PCSK5: variants seen among roughly 807,000 people sequenced by gnomAD.
The protein encoded by PCSK5 is proprotein convertase subtilisin/kexin type 5, also known as prohormone convertase 5.
A neutral mutation model predicts 233.2 loss-of-function variants in PCSK5; 129 were observed. The ratio of observed to expected loss-of-function variants is 0.55; its 90% CI spans 0.48 to 0.64. The LOEUF is 0.64. PCSK5 is among the 30% of genes least tolerant of loss of function. The pLI is 0.00. For missense variants in PCSK5, 2,076 were observed against 2,430.1 expected, an observed-to-expected ratio of 0.85 and a Z score of 3.06; for synonymous variants, 825 against 879.2, an observed-to-expected ratio of 0.94 and a Z score of 1.09.
At chr9:76,311,909 T>C (rs1828875180) in intron 30 of PCSK5, among the ~76,000 whole-genome samples, 2 of 152,208 alleles carry the variant, frequency 1.3e-5, no homozygotes, top group Admixed American at 1.3e-4. Context: ...GGAAAGGGGA[T>C]GTTTCCCCTT....
At chr9:75,989,330 C>T (rs964362913) in intron 3 of PCSK5, among the ~76,000 whole-genome samples, 1 of 151,868 alleles carries the variant, frequency 6.6e-6, no homozygotes, top group African/African-American at 2.4e-5. Context: ...CCATCTGTAC[C>T]AAAAATACAA....
chr9:75,969,822 A>C (rs1262248428), intron 2 of PCSK5, among the ~76,000 whole-genome samples: 1 of 151,108 alleles, frequency 6.6e-6, no homozygotes, highest in Non-Finnish European at 1.5e-5. Flanking sequence ...CCTACTTTGC[A>C]CTGGGCAAGC....
chr9:76,092,828 C>G (rs1045498654), intron 7 of PCSK5, among the ~76,000 whole-genome samples: 1 of 152,088 alleles, frequency 6.6e-6, no homozygotes, highest in Non-Finnish European at 1.5e-5. Context: ...GGGTAAAACC[C>G]CTTTTGGCCA....
At chr9:76,116,596 A>G in intron 9 of PCSK5, among the ~76,000 whole-genome samples, 1 of 136,418 alleles carries the variant, frequency 7.3e-6, no homozygotes, top group South Asian at 2.3e-4. Flanking sequence ...ATTAAGAGAT[A>G]AAATGGTGGA....
intron 5 of PCSK5, among the ~76,000 whole-genome samples, chr9:76,047,232 G>C (rs1829450350): frequency 6.6e-6 from 1 of 152,000 alleles, no homozygotes. Flanking sequence ...GAGTAGCTGG[G>C]ACTACAGGCG....
intron 25 of PCSK5, among the ~76,000 whole-genome samples, chr9:76,292,681 A>C (rs1003249414): frequency 2.6e-5 from 4 of 152,200 alleles, no homozygotes; most frequent in Admixed American, 2.6e-4. Context: ...GCTCTTAGTC[A>C]TCCCCTAGGT....
intron 8 of PCSK5, among the ~76,000 whole-genome samples, chr9:76,098,261 A>G (rs1225780784): frequency 1.3e-5 from 2 of 152,192 alleles, no homozygotes; most frequent in African/African-American, 4.8e-5. Context: ...TATACACCCA[A>G]TTCCACCTGT....
chr9:76,233,359 A>C (rs1290534366), intron 21 of PCSK5, 101 bp from the exon 22 acceptor site: 40 of 1,174,136 alleles, frequency 3.4e-5, no homozygotes, highest in African/African-American at 1.5e-5. Context: ...GGAACAATGA[A>C]GTCAAATCTG....
intron 35 of PCSK5, among the ~76,000 whole-genome samples, chr9:76,344,674 C>G (rs571235262): frequency 2.6e-5 from 4 of 152,072 alleles, no homozygotes; most frequent in Non-Finnish European, 5.9e-5. Flanking sequence ...TTGAACTTAC[C>G]TCTGTTACCA....
At chr9:76,254,684 T>A (rs1158970435) in intron 24 of PCSK5, among the ~76,000 whole-genome samples, 1 of 152,216 alleles carries the variant, frequency 6.6e-6, no homozygotes, top group Non-Finnish European at 1.5e-5. Flanking sequence ...TGCCTTTGTT[T>A]GCTGCCTAAA....
At chr9:76,125,720 G>A (rs1832823696) in intron 9 of PCSK5, among the ~76,000 whole-genome samples, 1 of 152,134 alleles carries the variant, frequency 6.6e-6, no homozygotes, top group East Asian at 1.9e-4. Flanking sequence ...AAATCCACAA[G>A]TTAGCAGTCA....
chr9:76,298,563 A>G (rs1369060124), intron 27 of PCSK5, among the ~76,000 whole-genome samples: 1 of 152,190 alleles, frequency 6.6e-6, no homozygotes, highest in Non-Finnish European at 1.5e-5. Context: ...GTAAGCACTG[A>G]AATGGATAGT....
At chr9:76,063,161 G>C (rs969493042) in intron 5 of PCSK5, among the ~76,000 whole-genome samples, 1 of 151,110 alleles carries the variant, frequency 6.6e-6, no homozygotes, top group African/African-American at 2.4e-5. Context: ...TTGAGACAGG[G>C]TCTTGCTCTG....
At chr9:76,108,398 G>T (rs1167262680) in intron 9 of PCSK5, among the ~76,000 whole-genome samples, 1 of 152,216 alleles carries the variant, frequency 6.6e-6, no homozygotes, top group Non-Finnish European at 1.5e-5. Context: ...GCACCCTGAA[G>T]TAGAGCGATA....
intron 5 of PCSK5, among the ~76,000 whole-genome samples, chr9:76,031,967 T>C (rs990117305): frequency 6.6e-6 from 1 of 152,168 alleles, no homozygotes; most frequent in Non-Finnish European, 1.5e-5. Context: ...ACTTAAGGTT[T>C]ATTTCCAGGG....
intron 1 of PCSK5, among the ~76,000 whole-genome samples, chr9:75,905,717 G>A (rs911404049): frequency 6.6e-6 from 1 of 152,166 alleles, no homozygotes; most frequent in African/African-American, 2.4e-5. Flanking sequence ...CAGTGGGGCC[G>A]GTAGACTCTT....
intron 24 of PCSK5, among the ~76,000 whole-genome samples, chr9:76,257,647 C>T (rs11794441): frequency 0.047 from 7,225 of 152,208 alleles, 215 homozygotes; most frequent in Middle Eastern, 0.085. Context: ...AGAAGCAGAA[C>T]GGGGACTAAA....
intron 24 of PCSK5, among the ~76,000 whole-genome samples, chr9:76,279,444 G>A (rs7866045): frequency 0.12 from 17,992 of 149,566 alleles, 1,354 homozygotes; most frequent in African/African-American, 0.24. Flanking sequence ...GGGATGGCTG[G>A]GTCAAATGGT....
At chr9:76,148,067 A>G (rs1823515430) in intron 10 of PCSK5, among the ~76,000 whole-genome samples, 1 of 151,780 alleles carries the variant, frequency 6.6e-6, no homozygotes, top group African/African-American at 2.4e-5. Context: ...AATTCTTTGC[A>G]ATCTTGTTTC....
Sources: allele counts gnomAD v4.1 joint callset (sites outside exome capture counted in the v4.1 genomes callset), GRCh38; gene constraint gnomAD v4.1.1; transcripts MANE v1.5; gene names NCBI Gene and HGNC (gene_info 2026-07-23, HGNC 2026-07-21).